The following ATXN7L1 variants were observed in gnomAD, a reference collection of about 807,000 sequenced individuals.
The protein encoded by ATXN7L1 is ataxin-7-like protein 1.
A neutral mutation model predicts 70.8 loss-of-function variants in ATXN7L1; 15 were observed. The ratio of observed to expected loss-of-function variants is 0.21; its 90% CI spans 0.14 to 0.33. The LOEUF (loss-of-function observed/expected upper bound fraction) is 0.33. Ranked by LOEUF, ATXN7L1 falls within the 10% of genes least tolerant of loss-of-function variation. ATXN7L1 has a pLI of 1.00. For synonymous variants in ATXN7L1, 440 were observed against 445.1 expected, an observed-to-expected ratio of 0.99 and a Z score of 0.14; for missense variants, 975 against 1,097.1, an observed-to-expected ratio of 0.89 and a Z score of 1.57.
Position 105,613,969 on chromosome 7 carries a change from C to A in ATXN7L1, c.2365G>T (p.Ala789Ser), listed in dbSNP as rs370163991. 1.3e-6 allele frequency: 2 copies of A among 1,552,184 alleles called. No homozygotes were observed. Among genetic ancestry groups the A allele is most frequent in the South Asian group, 2.4e-5 (2 of 84,058 alleles). ...CCAGGCATTTTAGTGATTTTACAGG[C>A]TTTGCTACTAGAACTCGAGTTCTTA... ...KRKNSSSSSKACKITKMPGMN... is the reference protein window; with the variant it reads ...KRKNSSSSSKSCKITKMPGMN... The change falls in exon 10 of 12, where the codon GCC (alanine) becomes TCC (serine). Residue 789 changes from alanine to serine, a missense_variant. By Grantham distance (99) the Ala-to-Ser change is moderately conservative. Transcript: ENST00000419735.
At chr7:105,669,661 G>A (rs1031272606) in intron 3 of ATXN7L1, among the ~76,000 whole-genome samples, 8 of 152,082 alleles carry the variant, frequency 5.3e-5, no homozygotes, top group African/African-American at 1.4e-4. Context: ...GGTGGCTCAC[G>A]ACTGCAATCC....
In ATXN7L1 at chr7:105,673,142, C is replaced by T. The variant is rs143626967; in HGVS notation, c.356-7854G>A. On this transcript the variant is annotated intron_variant, in intron 3 of 11. Transcript: ENST00000419735. The stretch of plus-strand genomic sequence containing the variant: ...GTGTCTCCAGTTTGCTCCCCTCACT[C>T]TCTGAAGATAAAATCCATCAGGTTC... Among the ~76,000 whole-genome samples the T allele has an allele frequency of 2.3e-3, 352 of 152,356 alleles. 2 individuals carry two copies. Among genetic ancestry groups the T allele is most frequent in the African/African-American group, 8.1e-3 (337 of 41,588 alleles).
intron 4 of ATXN7L1, among the ~76,000 whole-genome samples, chr7:105,646,713 C>G (rs1799082981): frequency 6.8e-6 from 1 of 147,940 alleles, no homozygotes; most frequent in Non-Finnish European, 1.5e-5. Context: ...CCACTGCTCC[C>G]AGCCGAGGCC....
intron 3 of ATXN7L1, chr7:105,691,649 G>A (rs1474099341): frequency 8.7e-5 from 11 of 126,682 alleles, no homozygotes; most frequent in African/African-American, 2.8e-4. Flanking sequence ...ACATTAGCAC[G>A]GATGTCAGTA....
At chr7:105,866,016 CCAT>C (rs1470037865) in intron 2 of ATXN7L1, among the ~76,000 whole-genome samples, 1 of 152,100 alleles carries the variant, frequency 6.6e-6, no homozygotes. Context: ...CAAACTGGGA[CCAT>C]GTCTCCAGCA....
intron 2 of ATXN7L1, among the ~76,000 whole-genome samples, chr7:105,836,592 G>C (rs1305014883): frequency 6.6e-6 from 1 of 152,166 alleles, no homozygotes; most frequent in African/African-American, 2.4e-5. Context: ...GAAAGTGTTA[G>C]AACTGGGAGA....
intron 2 of ATXN7L1, among the ~76,000 whole-genome samples, chr7:105,816,599 C>T (rs1809235150): frequency 6.6e-6 from 1 of 152,200 alleles, no homozygotes; most frequent in Admixed American, 6.5e-5. Flanking sequence ...GGAAGGGGCC[C>T]AGCAGCCAAG....
intron 3 of ATXN7L1, among the ~76,000 whole-genome samples, chr7:105,727,777 T>TATATACACAC (rs1462125950): frequency 2.2e-5 from 2 of 90,246 alleles, no homozygotes; most frequent in Non-Finnish European, 3.9e-5. Flanking sequence ...TATATATATA[T>TATATACACAC]ACACACACAT....
At chr7:105,703,671 C>T (rs1189298382) in intron 3 of ATXN7L1, among the ~76,000 whole-genome samples, 2 of 152,186 alleles carry the variant, frequency 1.3e-5, no homozygotes, top group African/African-American at 4.8e-5. Context: ...TAGAATCCAG[C>T]CAGGCCTGTC....
At chr7:105,840,351 C>G (rs997602387) in intron 2 of ATXN7L1, among the ~76,000 whole-genome samples, 2 of 152,168 alleles carry the variant, frequency 1.3e-5, no homozygotes, top group Non-Finnish European at 2.9e-5. Context: ...GCTTGGATAG[C>G]CTGCTGCTGT....
At chr7:105,654,794 G>C (rs1022421249) in intron 4 of ATXN7L1, among the ~76,000 whole-genome samples, 3 of 150,964 alleles carry the variant, frequency 2.0e-5, no homozygotes, top group Non-Finnish European at 2.9e-5. Context: ...AGGTTGGAGT[G>C]CAGTGGCACA....
chr7:105,732,551 A>T (rs1464861462), intron 3 of ATXN7L1, among the ~76,000 whole-genome samples: 2 of 152,170 alleles, frequency 1.3e-5, no homozygotes, highest in African/African-American at 4.8e-5. Context: ...GCAGCTTGGG[A>T]CCATGGACCC....
At chr7:105,645,491 G>A (rs1038695212) in intron 4 of ATXN7L1, among the ~76,000 whole-genome samples, 4 of 151,216 alleles carry the variant, frequency 2.6e-5, no homozygotes, top group South Asian at 2.1e-4. Context: ...GTGAAACCCC[G>A]TCTCTACTAA....
At chr7:105,696,123 C>T (rs962963931) in intron 3 of ATXN7L1, among the ~76,000 whole-genome samples, 6 of 152,200 alleles carry the variant, frequency 3.9e-5, no homozygotes, top group African/African-American at 1.4e-4. Flanking sequence ...AGAAAACATA[C>T]ACCCGAAGGT....
At chr7:105,645,793 A>T (rs1798914833) in intron 4 of ATXN7L1, among the ~76,000 whole-genome samples, 1 of 150,006 alleles carries the variant, frequency 6.7e-6, no homozygotes, top group Non-Finnish European at 1.5e-5. Flanking sequence ...AGCCTGGGAG[A>T]CAGAGTGAGA....
intron 4 of ATXN7L1, among the ~76,000 whole-genome samples, chr7:105,645,339 A>G (rs1798827092): frequency 6.6e-6 from 1 of 152,208 alleles, no homozygotes; most frequent in South Asian, 2.1e-4. Context: ...TACAACCTAA[A>G]TTATACTTCA....
intron 3 of ATXN7L1, among the ~76,000 whole-genome samples, chr7:105,727,754 A>AT: frequency 1.2e-5 from 1 of 84,572 alleles, no homozygotes; most frequent in South Asian, 5.2e-4. Context: ...GTGTATATAT[A>AT]TATATATATA....
At chr7:105,793,553 GCACATGTGTA>G (rs1805550158) in intron 2 of ATXN7L1, among the ~76,000 whole-genome samples, 1 of 152,150 alleles carries the variant, frequency 6.6e-6, no homozygotes, top group South Asian at 2.1e-4. Context: ...GTGTGTATGT[GCACATGTGTA>G]CACATGTGGA....
chr7:105,876,549 C>A lies in ATXN7L1; in HGVS notation c.10G>T (p.Glu4Ter), dbSNP rs1246648475. The A allele has an allele frequency of 1.2e-6, 2 of 1,609,274 alleles. No individual in the cohort carries two copies. Among genetic ancestry groups the A allele is most frequent in the Non-Finnish European group, 8.5e-7 (1 of 1,177,772 alleles). ...GAGAGACACGGGATTCGAGAACGCT[C>A]CGACGTCATCTTCGGAACGTTCCGA... is the stretch of plus-strand genomic sequence containing the variant. MTS[E>*]RSRIPCLSAA... Residue 4 changes from glutamate to a stop codon, truncating the protein, a stop_gained, in exon 1 of 12, where the codon GAG (glutamate) becomes TAG (stop). Transcript: ENST00000419735. LOFTEE classifies it high-confidence loss of function.
Sources: allele counts gnomAD v4.1 joint callset (sites outside exome capture counted in the v4.1 genomes callset), GRCh38; gene constraint gnomAD v4.1.1; transcripts MANE v1.5; gene names NCBI Gene and HGNC (gene_info 2026-07-23, HGNC 2026-07-21).